SCTR: variants seen among roughly 807,000 people sequenced by gnomAD.
SCTR encodes pancreatic secretin receptor.
In SCTR, 56 loss-of-function variants were observed where a neutral mutation model predicts 60.8. The observed-to-expected ratio is 0.92, with a 90% CI of 0.74 to 1.15. SCTR has a LOEUF of 1.15. Ranked by LOEUF, SCTR falls within the 50% of genes most tolerant of loss-of-function variation. SCTR has a pLI of 0.00. For missense variants in SCTR, 562 were observed against 550.4 expected, an observed-to-expected ratio of 1.02 and a Z score of -0.21; for synonymous variants, 202 against 217.0, an observed-to-expected ratio of 0.93 and a Z score of 0.61.
intron 1 of SCTR, among the ~76,000 whole-genome samples, chr2:119,501,861 A>T (rs1678564508): frequency 6.6e-6 from 1 of 152,252 alleles, no homozygotes; most frequent in Admixed American, 6.5e-5. Context: ...AAAAAATCCT[A>T]GAACTAAAAA....
chr2:119,503,111 A>G (rs1340920647), intron 1 of SCTR, among the ~76,000 whole-genome samples: 1 of 149,286 alleles, frequency 6.7e-6, no homozygotes, highest in Non-Finnish European at 1.5e-5. Context: ...ATGAGCCAAG[A>G]TAGCGCCAGT....
chr2:119,483,132 A>G lies in SCTR; in HGVS notation c.194-4214T>C, dbSNP rs149862432. On this transcript the variant is annotated intron_variant, in intron 2 of 12. Coordinates refer to ENST00000019103, the MANE Select transcript of SCTR (RefSeq NM_002980.3). The stretch of plus-strand genomic sequence containing the variant: ...TGGCTGGTTGGCCAGACAGATGTGG[A>G]CGGTGCCAGCACGTCTGAGAGGCTT... 7.4e-3 allele frequency among the ~76,000 whole-genome samples: 1,121 copies of G among 152,328 alleles called. 11 individuals are homozygous for G. The highest frequency in any genetic ancestry group is 0.025 in the African/African-American group (1,024 of 41,580).
intron 1 of SCTR, among the ~76,000 whole-genome samples, chr2:119,510,740 A>G (rs1573923697): frequency 6.8e-6 from 1 of 147,778 alleles, no homozygotes; most frequent in African/African-American, 2.7e-5. Context: ...AATTTTTAAA[A>G]TTGAGTTTGT....
chr2:119,441,147 T>G (rs1007965691), intron 12 of SCTR, among the ~76,000 whole-genome samples: 1 of 152,154 alleles, frequency 6.6e-6, no homozygotes, highest in Non-Finnish European at 1.5e-5. Context: ...ATGGGCAGAC[T>G]GAGGCCCAGA....
chr2:119,461,773 C>A, intron 7 of SCTR, 74 bp downstream of exon 7: 1 of 1,278,232 alleles, frequency 7.8e-7, no homozygotes, highest in South Asian at 1.7e-5. Flanking sequence ...GAACTAAAAG[C>A]CGAACCCTCC....
At chr2:119,489,910 C>A (rs6751578) in intron 2 of SCTR, among the ~76,000 whole-genome samples, 34,541 of 152,148 alleles carry the variant, frequency 0.23, 4,616 homozygotes, top group African/African-American at 0.36. Flanking sequence ...CTTACTTCTC[C>A]GTGTAAACGA....
At chr2:119,455,948 C>T (rs1437966708) in intron 7 of SCTR, among the ~76,000 whole-genome samples, 1 of 151,874 alleles carries the variant, frequency 6.6e-6, no homozygotes, top group Non-Finnish European at 1.5e-5. Flanking sequence ...GAAGATCCTG[C>T]AGCTTATGTA....
chr2:119,444,928 C>T (rs1370129390), intron 11 of SCTR, among the ~76,000 whole-genome samples: 1 of 79,532 alleles, frequency 1.3e-5, no homozygotes, highest in Admixed American at 1.6e-4. Flanking sequence ...CGAATATACA[C>T]ATATATTCGT....
intron 1 of SCTR, among the ~76,000 whole-genome samples, chr2:119,522,497 G>A (rs1292302389): frequency 6.6e-6 from 1 of 152,108 alleles, no homozygotes; most frequent in African/African-American, 2.4e-5. Flanking sequence ...GAGTCTCAGT[G>A]TGCTCATTTT....
chr2:119,448,356 C>T (rs1249320944), intron 10 of SCTR, among the ~76,000 whole-genome samples: 3 of 152,186 alleles, frequency 2.0e-5, no homozygotes, highest in African/African-American at 7.2e-5. Flanking sequence ...GGTCATCCTC[C>T]TCTGAAAATA....
intron 1 of SCTR, among the ~76,000 whole-genome samples, chr2:119,498,455 G>T (rs1484999697): frequency 1.3e-5 from 2 of 152,012 alleles, no homozygotes; most frequent in Non-Finnish European, 2.9e-5. Flanking sequence ...CAAAAATGTG[G>T]GTAAATGCGA....
chr2:119,480,421 A>G (rs1677547262), intron 2 of SCTR, among the ~76,000 whole-genome samples: 2 of 152,192 alleles, frequency 1.3e-5, no homozygotes, highest in Non-Finnish European at 2.9e-5. Context: ...CGAGAACAGC[A>G]TGGGAGAAAC....
intron 7 of SCTR, 133 bp downstream of exon 7, chr2:119,461,714 A>T (rs1351130666): frequency 8.3e-5 from 23 of 275,706 alleles, no homozygotes; most frequent in Non-Finnish European, 1.1e-4. Flanking sequence ...TCCAACTCAA[A>T]AAAAAAAAAA....
At chr2:119,456,862 T>C (rs931838619) in intron 7 of SCTR, among the ~76,000 whole-genome samples, 16 of 152,214 alleles carry the variant, frequency 1.1e-4, no homozygotes, top group African/African-American at 3.6e-4. Flanking sequence ...GAAGTCCATG[T>C]AAAGACATAA....
chr2:119,503,928 AT>A (rs1323127345), intron 1 of SCTR, among the ~76,000 whole-genome samples: 2 of 152,176 alleles, frequency 1.3e-5, no homozygotes, highest in Non-Finnish European at 2.9e-5. Context: ...TTTCCACTCA[AT>A]TTTTCTGTAT....
At chr2:119,464,347 G>A in intron 5 of SCTR, 92 bp from the exon 6 acceptor site, 3 of 1,269,752 alleles carry the variant, frequency 2.4e-6, no homozygotes, top group Non-Finnish European at 3.4e-6. Context: ...TGGGGAAACT[G>A]AGGCCCTAGA....
At chr2:119,455,256 G>A (rs1314053738) in intron 7 of SCTR, among the ~76,000 whole-genome samples, 4 of 152,178 alleles carry the variant, frequency 2.6e-5, no homozygotes, top group Admixed American at 2.6e-4. Context: ...CCCAGACAAA[G>A]AGCCTATAGA....
intron 5 of SCTR, among the ~76,000 whole-genome samples, 165 bp from the exon 6 acceptor site, chr2:119,464,420 G>A (rs1386925808): frequency 1.3e-5 from 2 of 150,780 alleles, no homozygotes; most frequent in African/African-American, 4.9e-5. Context: ...TGGGTCTCCA[G>A]GTGGCCAGTC....
At chr2:119,456,884 G>A (rs1181958408) in intron 7 of SCTR, among the ~76,000 whole-genome samples, 3 of 152,136 alleles carry the variant, frequency 2.0e-5, no homozygotes, top group African/African-American at 7.2e-5. Context: ...CAGGAATGGG[G>A]CTGATGCAAC....
Sources: gnomAD v4.1 joint callset for allele counts (sites outside exome capture counted in the v4.1 genomes callset) on GRCh38, gnomAD v4.1.1 for gene constraint, MANE v1.5 for transcripts, NCBI Gene and HGNC (gene_info 2026-07-23, HGNC 2026-07-21) for gene names.